The following MTCL1 variants were observed in gnomAD, a reference collection of about 807,000 sequenced individuals.
The protein encoded by MTCL1 is microtubule cross-linking factor 1.
Under a neutral mutation model 141.4 loss-of-function variants are expected in MTCL1, and 79 were observed. The observed-to-expected ratio is 0.56, with a 90% CI of 0.47 to 0.67. The LOEUF (loss-of-function observed/expected upper bound fraction) is 0.67. MTCL1 is among the 30% of genes least tolerant of loss of function. MTCL1 has a pLI of 0.00. For missense variants in MTCL1, 2,177 were observed against 2,113.9 expected (o/e 1.03, Z -0.59); for synonymous variants, 914 against 875.8 (o/e 1.04, Z -0.77).
intron 7 of MTCL1, chr18:8,789,811 T>C (rs955462418): frequency 4.6e-6 from 3 of 653,964 alleles, no homozygotes; most frequent in Non-Finnish European, 5.7e-6. Flanking sequence ...AGAAGACATT[T>C]ATGTGTCATG....
chr18:8,794,092 T>C (rs962914068), intron 8 of MTCL1, among the ~76,000 whole-genome samples: 20 of 152,240 alleles, frequency 1.3e-4, no homozygotes, highest in Non-Finnish European at 2.6e-4. Flanking sequence ...AAGTGTTTCA[T>C]TTAGGGGTCA....
chr18:8,814,350 CAAAA>C (rs1480561225), intron 12 of MTCL1, among the ~76,000 whole-genome samples: 2 of 152,070 alleles, frequency 1.3e-5, no homozygotes, highest in Non-Finnish European at 2.9e-5. Context: ...CTCCAAAAAA[CAAAA>C]GAAGGAAAGT....
intron 7 of MTCL1, among the ~76,000 whole-genome samples, chr18:8,788,533 A>C (rs919420528): frequency 2.0e-5 from 3 of 152,222 alleles, no homozygotes; most frequent in Non-Finnish European, 2.9e-5. Context: ...GATTATTTTG[A>C]AAGATTGAGG....
In MTCL1 at chr18:8,806,886, C is replaced by A; in HGVS notation, c.2437-7C>A. On this transcript the variant is annotated splice_region_variant and splice_polypyrimidine_tract_variant and intron_variant, in intron 10 of 16. Transcript: ENST00000359865. ...AGGTGGTGGAGCCTGACTCAGTGTTCCCGCAGGTGGTGGAAAACCAGCAGC... is the reference window on the plus strand; with the variant it reads ...AGGTGGTGGAGCCTGACTCAGTGTTACCGCAGGTGGTGGAAAACCAGCAGC... 6.2e-7 allele frequency: 1 copy of A among 1,611,882 alleles called. No individual in the cohort carries two copies. Among genetic ancestry groups the A allele is most frequent in the South Asian group, 1.1e-5 (1 of 91,012 alleles).
intron 4 of MTCL1, among the ~76,000 whole-genome samples, chr18:8,755,688 A>G (rs1449496305): frequency 3.9e-5 from 6 of 152,232 alleles, no homozygotes; most frequent in Non-Finnish European, 7.3e-5. Flanking sequence ...AAGACAGACT[A>G]TCATCCTCTT....
chr18:8,786,618 C>T (rs183057083), intron 7 of MTCL1: 3 of 332,126 alleles, frequency 9.0e-6, no homozygotes, highest in South Asian at 4.9e-5. Context: ...CACAGTAACC[C>T]GGTATACACA....
chr18:8,709,679 CATT>C lies in MTCL1; in HGVS notation c.1053+2967_1053+2969del, dbSNP rs1181475711. On this transcript the variant is annotated intron_variant, in intron 1 of 13. Coordinates refer to the MTCL1 transcript ENST00000306329. ...GAGCATTCCAAGTAAGTGCTGTCAT[CATT>C]GTTGTACAAGACTGTGACAGTTTCT... 1.2e-4 allele frequency among the ~76,000 whole-genome samples: 18 copies of C among 152,260 alleles called. No individual in the cohort carries two copies. In the South Asian group the frequency reaches 2.9e-3, roughly 25 times the overall value.
At chr18:8,758,253 C>A (rs546441606) in intron 4 of MTCL1, among the ~76,000 whole-genome samples, 3 of 152,020 alleles carry the variant, frequency 2.0e-5, no homozygotes, top group Non-Finnish European at 2.9e-5. Context: ...AAACTCCTGA[C>A]CTTAGGTGAT....
intron 4 of MTCL1, among the ~76,000 whole-genome samples, chr18:8,723,082 A>G (rs1248408819): frequency 6.6e-6 from 1 of 152,224 alleles, no homozygotes; most frequent in African/African-American, 2.4e-5. Flanking sequence ...GAATTGTTCC[A>G]TTGGAATGAA....
rs755267394 is a variant in MTCL1 at position 8,812,962 on chromosome 18, T to A, written c.2605-17T>A. The A allele has an allele frequency of 1.9e-6, 3 of 1,600,344 alleles. No homozygotes were observed. The highest frequency in any genetic ancestry group is 2.6e-6 in the Non-Finnish European group (3 of 1,169,858). On this transcript the variant is annotated splice_polypyrimidine_tract_variant and intron_variant, in intron 11 of 16. Coordinates refer to ENST00000359865, the Ensembl canonical transcript of MTCL1. Reference sequence around the variant, plus strand: ...ACTTGTCAGAGAGGGAATTCCTAAGTCTCTTCTCCTTGACAGCTGGAAGAG... The same window carrying A: ...ACTTGTCAGAGAGGGAATTCCTAAGACTCTTCTCCTTGACAGCTGGAAGAG...
intron 2 of MTCL1, 84 bp from the exon 2 acceptor site, chr18:8,718,340 A>G: frequency 7.6e-7 from 1 of 1,319,110 alleles, no homozygotes; most frequent in Non-Finnish European, 1.1e-6. Context: ...AATATTTAGT[A>G]TTGAGGAGCG....
chr18:8,810,709 G>A lies in MTCL1; in HGVS notation c.2605-2270G>A, dbSNP rs1177864730. Among the ~76,000 whole-genome samples, 2 of 152,092 alleles carry A rather than the reference G, an allele frequency of 1.3e-5. No individual in the cohort carries two copies. Among genetic ancestry groups the A allele is most frequent in the African/African-American group, 4.8e-5 (2 of 41,410 alleles). ...TTGGTGCTTTTCTGGTAGTCTTCTG[G>A]TTAACTAACACTGGAGGTTTCTCCC... is the stretch of plus-strand genomic sequence containing the variant. On this transcript the variant is annotated intron_variant, in intron 11 of 16. Transcript: ENST00000359865. The surrounding 1 kb of genome is among the most constrained non-coding windows in gnomAD (Gnocchi z 5.0).
chr18:8,800,640 G>A (rs1033221503), intron 10 of MTCL1: 4 of 152,216 alleles, frequency 2.6e-5, no homozygotes, highest in African/African-American at 7.2e-5. Context: ...CTGCGCACAC[G>A]CAAGAGGGAA....
At chr18:8,795,920 C>A (rs1311955855) in intron 8 of MTCL1, among the ~76,000 whole-genome samples, 1 of 152,096 alleles carries the variant, frequency 6.6e-6, no homozygotes, top group African/African-American at 2.4e-5. Flanking sequence ...AGTGGTAAGC[C>A]GCACTTCCAA....
chr18:8,760,779 C>G (rs891844298), intron 4 of MTCL1, among the ~76,000 whole-genome samples: 2 of 152,042 alleles, frequency 1.3e-5, no homozygotes, highest in Non-Finnish European at 2.9e-5. Flanking sequence ...TCCATTATTT[C>G]CAACAAATTT....
intron 12 of MTCL1, among the ~76,000 whole-genome samples, chr18:8,814,844 G>T (rs1216150444): frequency 6.6e-6 from 1 of 152,162 alleles, no homozygotes; most frequent in Non-Finnish European, 1.5e-5. Context: ...TCACACCTTG[G>T]ATATAAATTA....
intron 4 of MTCL1, among the ~76,000 whole-genome samples, chr18:8,775,355 G>C (rs1369615674): frequency 6.6e-6 from 1 of 150,744 alleles, no homozygotes; most frequent in African/African-American, 2.4e-5. Context: ...TGGATCACCT[G>C]AGGTCAGGAG....
intron 7 of MTCL1, among the ~76,000 whole-genome samples, chr18:8,788,060 G>T (rs955932060): frequency 2.0e-5 from 3 of 152,126 alleles, no homozygotes; most frequent in African/African-American, 4.8e-5. Flanking sequence ...CCCTGAATTT[G>T]CTGCCAACAA....
chr18:8,753,780 G>A (rs2096383641), intron 4 of MTCL1, among the ~76,000 whole-genome samples: 1 of 152,140 alleles, frequency 6.6e-6, no homozygotes, highest in Admixed American at 6.5e-5. Context: ...GTAGTGTATG[G>A]TTCCAGCCTT....
Sources: gnomAD v4.1 joint callset for allele counts (sites outside exome capture counted in the v4.1 genomes callset) on GRCh38, gnomAD v4.1.1 for gene constraint, Gnocchi (gnomAD v3.1) non-coding constraint, MANE v1.5 for transcripts, NCBI Gene and HGNC (gene_info 2026-07-23, HGNC 2026-07-21) for gene names.